The following PRKN variants were observed in gnomAD, a reference collection of about 807,000 sequenced individuals.
PRKN encodes the protein parkin RBR E3 ubiquitin protein ligase.
PRKN carries 56 observed loss-of-function variants against 59.5 expected under a neutral mutation model. The ratio of observed to expected loss-of-function variants is 0.94; its 90% CI spans 0.76 to 1.18. The LOEUF is 1.18. Among genes scored for constraint, PRKN ranks in the 50% most tolerant of loss-of-function variants. The probability of loss-of-function intolerance (pLI) is 0.00; values close to 1 mark genes in which losing one functional copy is unlikely to be tolerated. For synonymous variants in PRKN, 250 were observed against 222.1 expected (o/e 1.13, Z -1.12); for missense variants, 657 against 596.4 (o/e 1.10, Z -1.06).
At chr6:161,730,872 T>A (rs1787676844) in intron 7 of PRKN, among the ~76,000 whole-genome samples, 1 of 152,230 alleles carries the variant, frequency 6.6e-6, no homozygotes, top group African/African-American at 2.4e-5. Flanking sequence ...TGTTGCATTC[T>A]TTCTGATATG....
intron 1 of PRKN, among the ~76,000 whole-genome samples, chr6:162,633,372 T>C (rs1583948111): frequency 7.6e-6 from 1 of 130,968 alleles, no homozygotes; most frequent in East Asian, 2.4e-4. Flanking sequence ...GAGGCGGAGG[T>C]TGCAGTGAGC....
chr6:161,408,279 A>G (rs539271177), intron 9 of PRKN, among the ~76,000 whole-genome samples: 157 of 151,768 alleles, frequency 1.0e-3, no homozygotes, highest in African/African-American at 3.6e-3. Context: ...GAGAAATGCA[A>G]AGATGTTTGT....
intron 5 of PRKN, among the ~76,000 whole-genome samples, chr6:162,046,342 G>A (rs972090573): frequency 2.0e-5 from 3 of 152,198 alleles, no homozygotes; most frequent in African/African-American, 7.2e-5. Flanking sequence ...TTGTTCTACT[G>A]CACATAAAGT....
chr6:162,618,284 T>C (rs1782513097), intron 1 of PRKN, among the ~76,000 whole-genome samples: 1 of 152,136 alleles, frequency 6.6e-6, no homozygotes, highest in South Asian at 2.1e-4. Context: ...TGGATAATGG[T>C]GAGCTATCTG....
At chr6:161,531,428 G>C (rs1045744051) in intron 9 of PRKN, among the ~76,000 whole-genome samples, 2 of 151,208 alleles carry the variant, frequency 1.3e-5, no homozygotes, top group Non-Finnish European at 2.9e-5. Context: ...CCCTACCCTC[G>C]CCCAGCAACA....
At chr6:162,281,781 A>C (rs1780921959) in intron 2 of PRKN, among the ~76,000 whole-genome samples, 1 of 152,200 alleles carries the variant, frequency 6.6e-6, no homozygotes, top group Non-Finnish European at 1.5e-5. Flanking sequence ...ACTTTGTAGA[A>C]TCCTAAAATC....
At chr6:162,339,551 C>G (rs1315455354) in intron 2 of PRKN, among the ~76,000 whole-genome samples, 2 of 148,524 alleles carry the variant, frequency 1.3e-5, no homozygotes, top group African/African-American at 4.9e-5. Flanking sequence ...GCCGCCCCGT[C>G]CGGGAGGTGA....
intron 6 of PRKN, among the ~76,000 whole-genome samples, chr6:161,842,086 G>A (rs1793008831): frequency 6.6e-6 from 1 of 152,032 alleles, no homozygotes; most frequent in Admixed American, 6.6e-5. Flanking sequence ...AAGATGTAAG[G>A]AGCACACTCG....
intron 6 of PRKN, among the ~76,000 whole-genome samples, chr6:161,916,932 G>C (rs1317733855): frequency 6.6e-6 from 1 of 152,112 alleles, no homozygotes; most frequent in African/African-American, 2.4e-5. Context: ...CTCCCGAGTA[G>C]CTGGGACTAC....
At position 162,619,260 on chromosome 6, in the gene PRKN, G is replaced by A. The variant is rs377724020; in HGVS notation, c.7+108402C>T. On this transcript the variant is annotated intron_variant, in intron 1 of 11. Coordinates refer to ENST00000366898, the MANE Select transcript of PRKN (RefSeq NM_004562.3). The stretch of plus-strand genomic sequence containing the variant: ...CAGGTTCAAGCGATTCTCCTGCCTC[G>A]GCCTCCCGAGTAGCTGGGACTACAG... Among the ~76,000 whole-genome samples the A allele has an allele frequency of 7.3e-5, 11 of 150,184 alleles. No individual in the cohort carries two copies. The East Asian group carries it at 1.8e-3, about 24-fold the overall frequency.
intron 1 of PRKN, among the ~76,000 whole-genome samples, chr6:162,677,063 CAAAA>C (rs536705591): frequency 6.6e-5 from 6 of 90,288 alleles, no homozygotes; most frequent in Admixed American, 1.3e-4. Context: ...ACATCTCAAT[CAAAA>C]AAAAAAAAAA....
intron 4 of PRKN, among the ~76,000 whole-genome samples, chr6:162,164,946 A>G (rs1782913367): frequency 6.7e-6 from 1 of 148,928 alleles, no homozygotes; most frequent in Non-Finnish European, 1.5e-5. Flanking sequence ...AACCTAGAAA[A>G]TCTGCCAAAT....
At chr6:162,562,050 AG>A (rs1779866673) in intron 1 of PRKN, among the ~76,000 whole-genome samples, 1 of 151,976 alleles carries the variant, frequency 6.6e-6, no homozygotes, top group Admixed American at 6.6e-5. Context: ...CTTCCACTTG[AG>A]GAGAGGAGAT....
intron 5 of PRKN, among the ~76,000 whole-genome samples, chr6:162,047,041 G>T (rs920992456): frequency 6.6e-6 from 1 of 152,068 alleles, no homozygotes; most frequent in Non-Finnish European, 1.5e-5. Context: ...ACCCCAAATT[G>T]CATGTCAGAC....
chr6:162,553,293 A>G (rs1193542818), intron 1 of PRKN, among the ~76,000 whole-genome samples: 1 of 152,110 alleles, frequency 6.6e-6, no homozygotes, highest in Non-Finnish European at 1.5e-5. Context: ...GGAAGACAAG[A>G]AAGTGAGTGC....
At chr6:161,882,316 T>A (rs1416968321) in intron 6 of PRKN, among the ~76,000 whole-genome samples, 10 of 152,144 alleles carry the variant, frequency 6.6e-5, no homozygotes, top group Admixed American at 6.5e-4. Flanking sequence ...AGTAAACACT[T>A]TGATCACAGC....
chr6:162,209,899 T>C (rs970888462), intron 3 of PRKN, among the ~76,000 whole-genome samples: 12 of 151,798 alleles, frequency 7.9e-5, no homozygotes, highest in Admixed American at 2.6e-4. Context: ...TAGGTGGGAA[T>C]TGAACAATGA....
intron 7 of PRKN, among the ~76,000 whole-genome samples, chr6:161,663,135 G>A (rs1045940948): frequency 2.0e-5 from 3 of 152,190 alleles, no homozygotes; most frequent in Admixed American, 1.3e-4. Context: ...CCTTCTGCCA[G>A]GAATGTGAGG....
intron 3 of PRKN, among the ~76,000 whole-genome samples, chr6:162,213,210 A>G (rs111421151): frequency 0.01 from 1,555 of 152,268 alleles, 29 homozygotes; most frequent in African/African-American, 0.036. Flanking sequence ...GAAGAATATT[A>G]AAAACCTATC....
Sources: allele counts gnomAD v4.1 joint callset (sites outside exome capture counted in the v4.1 genomes callset), GRCh38; gene constraint gnomAD v4.1.1; transcripts MANE v1.5; gene names NCBI Gene and HGNC (gene_info 2026-07-23, HGNC 2026-07-21).